KIF6: variants seen among roughly 807,000 people sequenced by gnomAD.
KIF6 encodes kinesin family member 6, also known as kinesin-like protein KIF6.
KIF6 carries 106 observed loss-of-function variants against 112.7 expected under a neutral mutation model. That is an observed-to-expected ratio of 0.94 (90% confidence interval 0.80 to 1.11). KIF6 has a LOEUF of 1.11. KIF6 is among the 50% of genes least tolerant of loss of function. The pLI is 0.00. For missense variants in KIF6, 929 were observed against 964.0 expected (o/e 0.96, Z 0.48); for synonymous variants, 339 against 339.9 (o/e 1.00, Z 0.03).
chr6:39,601,053 A>T (rs182118002), intron 6 of KIF6, among the ~76,000 whole-genome samples: 3 of 152,214 alleles, frequency 2.0e-5, no homozygotes, highest in Admixed American at 2.0e-4. Flanking sequence ...CTTTATTCAG[A>T]TGCCTCCTGT....
At chr6:39,543,810 G>A (rs1204723784) in intron 12 of KIF6, among the ~76,000 whole-genome samples, 1 of 152,192 alleles carries the variant, frequency 6.6e-6, no homozygotes, top group East Asian at 1.9e-4. Flanking sequence ...CTCCATAGAA[G>A]TAACCACTTC....
At chr6:39,338,420 TGTGTGC>T (rs1461198609) in intron 22 of KIF6, among the ~76,000 whole-genome samples, 2 of 152,256 alleles carry the variant, frequency 1.3e-5, no homozygotes, top group Admixed American at 1.3e-4. Flanking sequence ...GTTCTAATTC[TGTGTGC>T]AAGACCTCTG....
chr6:39,595,736 C>G (rs60600290), intron 7 of KIF6, among the ~76,000 whole-genome samples: 4 of 152,018 alleles, frequency 2.6e-5, no homozygotes, highest in Non-Finnish European at 5.9e-5. Flanking sequence ...TCCACTTACA[C>G]GAGGCACCTG....
At chr6:39,473,446 T>C (rs1581931910) in intron 13 of KIF6, among the ~76,000 whole-genome samples, 1 of 152,300 alleles carries the variant, frequency 6.6e-6, no homozygotes, top group East Asian at 1.9e-4. Flanking sequence ...ATCCAGTGGC[T>C]TTGAGTCCTC....
At chr6:39,452,655 A>G (rs1341172844) in intron 13 of KIF6, among the ~76,000 whole-genome samples, 2 of 152,228 alleles carry the variant, frequency 1.3e-5, no homozygotes, top group African/African-American at 4.8e-5. Flanking sequence ...GTGATCAACC[A>G]TTCTGTTCAA....
chr6:39,687,232 T>A (rs544642559), intron 3 of KIF6, among the ~76,000 whole-genome samples: 2 of 151,944 alleles, frequency 1.3e-5, no homozygotes, highest in East Asian at 1.9e-4. Context: ...AGAAGACACA[T>A]CCCCCAACAC....
chr6:39,397,577 A>G (rs1768367617), intron 15 of KIF6, among the ~76,000 whole-genome samples: 2 of 152,274 alleles, frequency 1.3e-5, no homozygotes, highest in South Asian at 4.1e-4. Context: ...TCCAGTACGC[A>G]TGGCTCTGTT....
intron 3 of KIF6, among the ~76,000 whole-genome samples, chr6:39,650,707 T>C (rs1354538518): frequency 6.6e-6 from 1 of 152,080 alleles, no homozygotes; most frequent in African/African-American, 2.4e-5. Flanking sequence ...CAAAATTTTA[T>C]ACAACAATGT....
At chr6:39,631,810 T>C (rs997788752) in intron 5 of KIF6, among the ~76,000 whole-genome samples, 4 of 152,032 alleles carry the variant, frequency 2.6e-5, no homozygotes, top group Non-Finnish European at 5.9e-5. Context: ...CTCTCTCCTA[T>C]TTCCTGAAAG....
At chr6:39,400,573 T>A (rs2150338521) in intron 15 of KIF6, among the ~76,000 whole-genome samples, 1 of 152,306 alleles carries the variant, frequency 6.6e-6, no homozygotes, top group African/African-American at 2.4e-5. Context: ...TCTAAAGATT[T>A]TTCTCTATCC....
At chr6:39,432,771 G>A (rs575957560) in intron 13 of KIF6, among the ~76,000 whole-genome samples, 19 of 152,292 alleles carry the variant, frequency 1.2e-4, no homozygotes, top group African/African-American at 2.4e-4. Flanking sequence ...TCCCCTGTCC[G>A]GGTCTGCACC....
At chr6:39,341,338 C>A (rs944085003) in intron 22 of KIF6, among the ~76,000 whole-genome samples, 7 of 152,166 alleles carry the variant, frequency 4.6e-5, no homozygotes, top group African/African-American at 1.4e-4. Flanking sequence ...GCTTCTCCAG[C>A]TTGTGCTTCT....
chr6:39,438,974 T>A (rs1023108253), intron 13 of KIF6, among the ~76,000 whole-genome samples: 1 of 152,244 alleles, frequency 6.6e-6, no homozygotes, highest in Admixed American at 6.5e-5. Flanking sequence ...TACAGTAACA[T>A]GCTGTACAGG....
intron 18 of KIF6, among the ~76,000 whole-genome samples, chr6:39,358,611 A>G (rs1324985137): frequency 6.6e-6 from 1 of 152,188 alleles, no homozygotes; most frequent in Non-Finnish European, 1.5e-5. Flanking sequence ...TCCCTCGGGC[A>G]CCAGCTGGGG....
chr6:39,462,674 G>A (rs916525540), intron 13 of KIF6, among the ~76,000 whole-genome samples: 5 of 152,060 alleles, frequency 3.3e-5, no homozygotes, highest in African/African-American at 1.2e-4. Flanking sequence ...GAAGGCTGAC[G>A]AGATATCTGA....
chr6:39,708,503 C>G lies in KIF6; in HGVS notation c.251+6189G>C, dbSNP rs1244142474. Reference sequence around the variant, plus strand: ...GTGTAGGTGCCTTAGCTGTTCAGCACCAGCTACTGGGACTGTGTCATAGCA... The same window carrying G: ...GTGTAGGTGCCTTAGCTGTTCAGCAGCAGCTACTGGGACTGTGTCATAGCA... On this transcript the variant is annotated intron_variant, in intron 3 of 22. Transcript: ENST00000287152. Among the ~76,000 whole-genome samples, 4 of 152,168 alleles carry G rather than the reference C, an allele frequency of 2.6e-5. No homozygotes were observed. The South Asian group carries it at 8.3e-4, about 32-fold the overall frequency.
intron 13 of KIF6, among the ~76,000 whole-genome samples, chr6:39,487,276 C>G (rs1215312012): frequency 1.3e-5 from 2 of 152,170 alleles, no homozygotes; most frequent in Admixed American, 1.3e-4. Flanking sequence ...TATCCCCATT[C>G]AGGACCTGGT....
chr6:39,337,108 TTC>T lies in KIF6; in HGVS notation c.2429-562_2429-561del, dbSNP rs369474336. 1.7e-3 allele frequency among the ~76,000 whole-genome samples: 220 copies of T among 130,686 alleles called. 5 individuals carry two copies. The highest frequency in any genetic ancestry group is 4.9e-3 in the African/African-American group (132 of 26,974). 85.7% of individuals were successfully genotyped at this position (130,686 alleles called of 152,430 possible). A position where few individuals can be genotyped will look rare whatever the true frequency, so the allele number is the denominator to read the frequency against. On this transcript the variant is annotated intron_variant, in intron 22 of 22. Coordinates refer to ENST00000287152, the MANE Select transcript of KIF6 (RefSeq NM_145027.6). ...CCTTCTTTCCTTTCTTTCTTCTTTCTTCTCTTTCTTTCTTTCTTTCCTCCTTC... is the reference window on the plus strand; with the variant it reads ...CCTTCTTTCCTTTCTTTCTTCTTTCTTCTTTCTTTCTTTCTTTCCTCCTTC...
Position 39,659,303 on chromosome 6 carries a change from C to T in KIF6, c.252-19546G>A, listed in dbSNP as rs143160280. ...AGAAAATATATGTCCTATTTTGTTA[C>T]GGTATTTGGAAAATTATCTCATTAA... On this transcript the variant is annotated intron_variant, in intron 3 of 22. Transcript: ENST00000287152. Among the ~76,000 whole-genome samples, 199 of 152,164 alleles carry T rather than the reference C, an allele frequency of 1.3e-3. 1 individual carries two copies. Among genetic ancestry groups the T allele is most frequent in the African/African-American group, 4.6e-3 (191 of 41,524 alleles).
Sources: allele counts gnomAD v4.1 joint callset (sites outside exome capture counted in the v4.1 genomes callset), GRCh38; gene constraint gnomAD v4.1.1; transcripts MANE v1.5; gene names NCBI Gene and HGNC (gene_info 2026-07-23, HGNC 2026-07-21).